Variants in ZNHIT6 observed in about 807,000 individuals in gnomAD.
ZNHIT6 encodes zinc finger HIT-type containing 6, also known as box C/D snoRNA protein 1.
In ZNHIT6, 45 loss-of-function variants were observed where a neutral mutation model predicts 57.2. The ratio of observed to expected loss-of-function variants is 0.79; its 90% CI spans 0.62 to 1.01. The LOEUF (loss-of-function observed/expected upper bound fraction) is 1.01. ZNHIT6 is among the 50% of genes least tolerant of loss of function. The probability of loss-of-function intolerance (pLI) is 0.00; values close to 1 mark genes in which losing one functional copy is unlikely to be tolerated. For synonymous variants in ZNHIT6, 188 were observed against 190.0 expected (o/e 0.99, Z 0.09); for missense variants, 528 against 567.3 (o/e 0.93, Z 0.70).
rs538632598 is a variant in ZNHIT6, at chr1:85,688,929, A to G, written c.1020-8025T>C. Among the ~76,000 whole-genome samples the G allele has an allele frequency of 2.8e-3, 420 of 152,308 alleles. 1 individual carries two copies. The highest frequency in any genetic ancestry group is 4.1e-3 in the Non-Finnish European group (281 of 68,022). On this transcript the variant is annotated intron_variant, in intron 5 of 9. Coordinates refer to ENST00000370574, the MANE Select transcript of ZNHIT6 (RefSeq NM_017953.4). ...ATCTACCTCTGAACATTCAGTTATG[A>G]GAGTCAAAATGTCCTCTGTATATAG...
chr1:85,689,912 G>A (rs1023414841), intron 5 of ZNHIT6, among the ~76,000 whole-genome samples: 4 of 152,158 alleles, frequency 2.6e-5, no homozygotes, highest in Admixed American at 1.3e-4. Flanking sequence ...ACACTAGAAA[G>A]TAGAAAGGAG....
chr1:85,672,896 A>G (rs1400836009), intron 8 of ZNHIT6, among the ~76,000 whole-genome samples: 2 of 152,220 alleles, frequency 1.3e-5, no homozygotes, highest in African/African-American at 2.4e-5. Flanking sequence ...TAATTCCATA[A>G]AAGTAAAATC....
rs528071887 is a variant in ZNHIT6 at position 85,667,236 on chromosome 1, T to C, written c.1248-9265A>G. On this transcript the variant is annotated intron_variant, in intron 8 of 9. Transcript: ENST00000370574. ...ATTTAATAATAATACAATTACAATA[T>C]GTACGAAGTGCTTACCAGAGTACCT... Among the ~76,000 whole-genome samples, 34 of 152,246 alleles carry C rather than the reference T, an allele frequency of 2.2e-4. 1 individual carries two copies. In the South Asian group the frequency reaches 5.4e-3, roughly 24 times the overall value.
chr1:85,676,839 G>A (rs1361307495), intron 8 of ZNHIT6, among the ~76,000 whole-genome samples: 1 of 151,948 alleles, frequency 6.6e-6, no homozygotes, highest in African/African-American at 2.4e-5. Context: ...ATACCAAACT[G>A]TGACACATAG....
chr1:85,685,086 T>C (rs961454621), intron 5 of ZNHIT6, among the ~76,000 whole-genome samples: 2 of 152,212 alleles, frequency 1.3e-5, no homozygotes, highest in African/African-American at 4.8e-5. Context: ...GACAGGAATA[T>C]AAATTGGTGC....
At chr1:85,692,973 A>G (rs1570323271) in intron 5 of ZNHIT6, among the ~76,000 whole-genome samples, 1 of 152,196 alleles carries the variant, frequency 6.6e-6, no homozygotes, top group African/African-American at 2.4e-5. Flanking sequence ...TTGTTTAGTA[A>G]TAGGCGCACC....
At chr1:85,691,353 G>A (rs530903592) in intron 5 of ZNHIT6, among the ~76,000 whole-genome samples, 2 of 152,334 alleles carry the variant, frequency 1.3e-5, no homozygotes, top group South Asian at 4.1e-4. Flanking sequence ...TACTTGAAAT[G>A]AATTATATTT....
intron 8 of ZNHIT6, among the ~76,000 whole-genome samples, chr1:85,669,977 T>C (rs1661505876): frequency 6.6e-6 from 1 of 152,152 alleles, no homozygotes; most frequent in South Asian, 2.1e-4. Context: ...ACTGATACTT[T>C]AGGTCAGGTT....
At chr1:85,667,998 AAGTTAGAAATCT>A (rs2100660835) in intron 8 of ZNHIT6, among the ~76,000 whole-genome samples, 1 of 122,150 alleles carries the variant, frequency 8.2e-6, no homozygotes, top group African/African-American at 3.0e-5. Context: ...TCTGCTTTCT[AAGTTAGAAATCT>A]TACTTGTTCT....
intron 5 of ZNHIT6, among the ~76,000 whole-genome samples, chr1:85,697,982 C>G (rs1207254591): frequency 6.6e-6 from 1 of 152,088 alleles, no homozygotes; most frequent in Non-Finnish European, 1.5e-5. Flanking sequence ...AAGGAATTAC[C>G]TCTGAAAAAG....
intron 5 of ZNHIT6, among the ~76,000 whole-genome samples, chr1:85,685,507 GGACTT>G (rs67607747): frequency 0.24 from 36,565 of 151,892 alleles, 4,795 homozygotes; most frequent in Admixed American, 0.3. Context: ...CATTATAAAA[GGACTT>G]GACTTAATTT....
At chr1:85,686,858 A>G (rs1662055481) in intron 5 of ZNHIT6, among the ~76,000 whole-genome samples, 1 of 152,158 alleles carries the variant, frequency 6.6e-6, no homozygotes, top group Non-Finnish European at 1.5e-5. Flanking sequence ...CCATTTTAAT[A>G]ATTTATTTCT....
chr1:85,682,900 G>C (rs958006655), intron 5 of ZNHIT6, among the ~76,000 whole-genome samples: 1 of 151,988 alleles, frequency 6.6e-6, no homozygotes, highest in African/African-American at 2.4e-5. Flanking sequence ...TGGGCAAACA[G>C]AAGTTGAAGG....
At chr1:85,684,541 G>A (rs1044961330) in intron 5 of ZNHIT6, among the ~76,000 whole-genome samples, 1 of 151,998 alleles carries the variant, frequency 6.6e-6, no homozygotes, top group Non-Finnish European at 1.5e-5. Context: ...AAGCTCCTTG[G>A]GAGGCAATAA....
intron 5 of ZNHIT6, among the ~76,000 whole-genome samples, chr1:85,701,175 G>A (rs1286215179): frequency 6.6e-6 from 1 of 152,160 alleles, no homozygotes; most frequent in African/African-American, 2.4e-5. Context: ...TAACAGCTTT[G>A]AAAAGATAGA....
intron 8 of ZNHIT6, among the ~76,000 whole-genome samples, chr1:85,660,911 TTA>T (rs1281978344): frequency 6.6e-6 from 1 of 152,206 alleles, no homozygotes; most frequent in African/African-American, 2.4e-5. Context: ...TGGATTTTAT[TTA>T]GTGTTTAGCC....
chr1:85,697,031 T>G (rs1469137400), intron 5 of ZNHIT6, among the ~76,000 whole-genome samples: 1 of 67,810 alleles, frequency 1.5e-5, no homozygotes, highest in Non-Finnish European at 4.3e-5. Flanking sequence ...CAGCTAATTT[T>G]TCGTATTTTT....
chr1:85,675,979 G>A (rs1661689372), intron 8 of ZNHIT6, among the ~76,000 whole-genome samples: 1 of 152,154 alleles, frequency 6.6e-6, no homozygotes, highest in African/African-American at 2.4e-5. Context: ...TTGGCTTAAG[G>A]GAATGTTCGG....
chr1:85,688,852 GA>G (rs150824002), intron 5 of ZNHIT6, among the ~76,000 whole-genome samples: 4 of 150,118 alleles, frequency 2.7e-5, no homozygotes, highest in African/African-American at 9.8e-5. Flanking sequence ...TAAAGAATCA[GA>G]AAAAAAAATG....
Sources: allele counts gnomAD v4.1 joint callset (sites outside exome capture counted in the v4.1 genomes callset), GRCh38; gene constraint gnomAD v4.1.1; transcripts MANE v1.5; gene names NCBI Gene and HGNC (gene_info 2026-07-23, HGNC 2026-07-21).